Variants in XDH observed in about 807,000 individuals in gnomAD.
XDH encodes xanthine dehydrogenase.
In XDH, 138 loss-of-function variants were observed where a neutral mutation model predicts 156.1. That is an observed-to-expected ratio of 0.88 (90% CI 0.77 to 1.02). XDH has a LOEUF of 1.02. XDH is among the 50% of genes least tolerant of loss of function. XDH has a pLI of 0.00. For missense variants in XDH, 1,849 were observed against 1,684.9 expected, an observed-to-expected ratio of 1.10 and a Z score of -1.71; for synonymous variants, 669 against 625.7, an observed-to-expected ratio of 1.07 and a Z score of -1.03.
intron 31 of XDH, among the ~76,000 whole-genome samples, chr2:31,343,310 A>ATATATATATATATGCAGGTT: frequency 9.8e-6 from 1 of 102,238 alleles, no homozygotes; most frequent in South Asian, 3.5e-4. Flanking sequence ...ATATATATAT[A>ATATATATATATATGCAGGTT]TATATATATA....
Position 31,366,918 on chromosome 2 carries a change from T to C in XDH, c.2274A>G (p.Ala758=). The C allele has an allele frequency of 6.2e-7, 1 of 1,614,236 alleles. No individual in the cohort carries two copies. The highest frequency in any genetic ancestry group is 8.5e-7 in the Non-Finnish European group (1 of 1,180,038). The change falls in exon 21 of 36, where the codon GCA becomes GCG. Residue 758 remains alanine (A), a synonymous_variant. Coordinates refer to ENST00000379416, the MANE Select transcript of XDH (RefSeq NM_000379.4). ...HCTIAVPKGE[A]GEMELFVSTQ... ...TAGACACAAAGAGCTCCATCTCCCC[T>C]GCCTCGCCTTTTGGAACAGCAATGG...
At chr2:31,389,510 C>T (rs193021604) in intron 6 of XDH, 1 of 152,344 alleles carries the variant, frequency 6.6e-6, no homozygotes, top group East Asian at 1.9e-4. Flanking sequence ...TTTCTTAGTG[C>T]CTTTTCTCAC....
At chr2:31,369,540 GC>G (rs1382184656) in intron 18 of XDH, among the ~76,000 whole-genome samples, 1 of 152,032 alleles carries the variant, frequency 6.6e-6, no homozygotes, top group African/African-American at 2.4e-5. Context: ...ATCTCTTATG[GC>G]CCAAATAAGC....
chr2:31,338,847 C>T (rs1685044365), intron 34 of XDH, among the ~76,000 whole-genome samples: 1 of 150,774 alleles, frequency 6.6e-6, no homozygotes, highest in Admixed American at 6.6e-5. Flanking sequence ...CCTAAGCCTC[C>T]TGAGTAGCTG....
At chr2:31,344,216 G>A (rs533977192) in intron 31 of XDH, among the ~76,000 whole-genome samples, 7 of 152,186 alleles carry the variant, frequency 4.6e-5, no homozygotes, top group African/African-American at 1.2e-4. Flanking sequence ...ATAAGACCAC[G>A]TGCTCTAAAT....
intron 13 of XDH, 21 bp from the exon 14 acceptor site, chr2:31,377,258 G>C (rs199800904): frequency 5.6e-6 from 9 of 1,613,526 alleles, no homozygotes; most frequent in Non-Finnish European, 8.5e-7. Flanking sequence ...TCAGGAAGGT[G>C]CCTGTTTTCC....
At chr2:31,413,375 C>T (rs1363031182) in intron 1 of XDH, among the ~76,000 whole-genome samples, 2 of 152,134 alleles carry the variant, frequency 1.3e-5, no homozygotes, top group Non-Finnish European at 2.9e-5. Context: ...GGGTTGGTAC[C>T]AGGTGCCAAC....
At chr2:31,368,094 T>C in intron 19 of XDH, 37 bp from the exon 20 acceptor site, 1 of 1,590,136 alleles carries the variant, frequency 6.3e-7, no homozygotes, top group Middle Eastern at 1.7e-4. Flanking sequence ...ATGTGGCTTT[T>C]AGCAGGGAGG....
intron 24 of XDH, among the ~76,000 whole-genome samples, chr2:31,362,427 G>T (rs1685801695): frequency 6.6e-6 from 1 of 152,146 alleles, no homozygotes; most frequent in African/African-American, 2.4e-5. Flanking sequence ...GCTTGTCCCA[G>T]TAAAGCCTAT....
At chr2:31,382,056 A>T (rs2148780833) in intron 11 of XDH, among the ~76,000 whole-genome samples, 1 of 152,328 alleles carries the variant, frequency 6.6e-6, no homozygotes, top group South Asian at 2.1e-4. Flanking sequence ...AGACTTAGTA[A>T]AATAGAAGAT....
chr2:31,377,560 CT>C (rs1351286923), intron 13 of XDH, among the ~76,000 whole-genome samples: 1 of 152,124 alleles, frequency 6.6e-6, no homozygotes, highest in Non-Finnish European at 1.5e-5. Context: ...TTCACAAAGG[CT>C]CCTTAGAGAC....
Position 31,346,859 on chromosome 2 carries a change from C to G in XDH, c.3277-16G>C. ...GACAAGCCGCCTAAAGTAAACACCCCCCACACCCCAGACACATCAGTCCTC... is the reference window on the plus strand; with the variant it reads ...GACAAGCCGCCTAAAGTAAACACCCGCCACACCCCAGACACATCAGTCCTC... On this transcript the variant is annotated splice_polypyrimidine_tract_variant and intron_variant, in intron 29 of 35. Transcript: ENST00000379416. 1.2e-6 allele frequency: 2 copies of G among 1,613,876 alleles called. No individual in the cohort carries two copies. The highest frequency in any genetic ancestry group is 1.7e-6 in the Non-Finnish European group (2 of 1,180,012).
intron 27 of XDH, 114 bp from the exon 28 acceptor site, chr2:31,348,477 A>T (rs985976891): frequency 3.2e-6 from 3 of 929,970 alleles, no homozygotes; most frequent in Non-Finnish European, 5.1e-6. Flanking sequence ...TTTGGATGTA[A>T]ACCTCAGACA....
At chr2:31,378,131 G>GAAAGAAAGAAA (rs1686317083) in intron 13 of XDH, among the ~76,000 whole-genome samples, 2 of 59,982 alleles carry the variant, frequency 3.3e-5, no homozygotes, top group African/African-American at 1.2e-4. Context: ...AGGAAGGAAG[G>GAAAGAAAGAAA]AAGGAAGGAA....
chr2:31,337,618 T>C (rs752207109), intron 35 of XDH, 23 bp downstream of exon 35: 12 of 1,613,478 alleles, frequency 7.4e-6, no homozygotes, highest in South Asian at 1.1e-5. Flanking sequence ...CTGGACTGAG[T>C]GGATGCTTGA....
At position 31,342,436 on chromosome 2, in the gene XDH, T is replaced by C. The variant is rs1353895529; in HGVS notation, c.3405-139A>G. 8 of 719,358 alleles carry C rather than the reference T, an allele frequency of 1.1e-5. No homozygotes were observed. The South Asian group carries it at 1.3e-4, about 11-fold the overall frequency. The allele number at this position is 719,358 out of a possible 1,614,324, so 44.6% of individuals were successfully genotyped here. ...GCTGTTCTCCAAAAAAGTCCATGGT[T>C]TGAACAATTTGAACCTGTTAACGAA... On this transcript the variant is annotated intron_variant, in intron 31 of 35. Transcript: ENST00000379416.
intron 33 of XDH, among the ~76,000 whole-genome samples, chr2:31,340,667 G>A (rs376553948): frequency 2.0e-5 from 3 of 151,858 alleles, no homozygotes; most frequent in African/African-American, 2.4e-5. Context: ...ACGGAGTTTC[G>A]CCATGTTGTC....
chr2:31,409,096 T>C (rs754018298), intron 1 of XDH, among the ~76,000 whole-genome samples: 3 of 151,810 alleles, frequency 2.0e-5, no homozygotes, highest in Non-Finnish European at 4.4e-5. Flanking sequence ...ATCAAAACAA[T>C]TGAACTCATG....
Position 31,377,048 on chromosome 2 carries a change from C to T in XDH, c.1427+5G>A. On this transcript the variant is annotated splice_donor_5th_base_variant and intron_variant, in intron 14 of 35. Coordinates refer to ENST00000379416, the MANE Select transcript of XDH (RefSeq NM_000379.4). Reference sequence around the variant, plus strand: ...CAGCAGTTTCATTGTGCTGTTAGCTCTTACTTGGAAAGCTGCCTCTGAGTG... The same window carrying T: ...CAGCAGTTTCATTGTGCTGTTAGCTTTTACTTGGAAAGCTGCCTCTGAGTG... 1.9e-6 allele frequency: 3 copies of T among 1,614,082 alleles called. No individual in the cohort carries two copies. Among genetic ancestry groups the T allele is most frequent in the Non-Finnish European group, 1.7e-6 (2 of 1,180,006 alleles).
Sources: gnomAD v4.1 joint callset for allele counts (sites outside exome capture counted in the v4.1 genomes callset) on GRCh38, gnomAD v4.1.1 for gene constraint, MANE v1.5 for transcripts, NCBI Gene and HGNC (gene_info 2026-07-23, HGNC 2026-07-21) for gene names.